CLASP2: variants seen among roughly 807,000 people sequenced by gnomAD.
CLASP2 encodes CLIP-associating protein 2.
A neutral mutation model predicts 194.4 loss-of-function variants in CLASP2; 47 were observed. That is an observed-to-expected ratio of 0.24 (90% CI 0.19 to 0.31). The LOEUF (loss-of-function observed/expected upper bound fraction) is 0.31. Ranked by LOEUF, CLASP2 falls within the 10% of genes least tolerant of loss-of-function variation. The probability of loss-of-function intolerance (pLI) is 1.00; values close to 1 mark genes in which losing one functional copy is unlikely to be tolerated. For synonymous variants in CLASP2, 619 were observed against 633.5 expected, an observed-to-expected ratio of 0.98 and a Z score of 0.34; for missense variants, 1,445 against 1,823.6, an observed-to-expected ratio of 0.79 and a Z score of 3.78.
chr3:33,543,372 C>T, intron 32 of CLASP2, 61 bp downstream of exon 32: 7 of 1,199,426 alleles, frequency 5.8e-6, no homozygotes, highest in Non-Finnish European at 8.7e-6. Flanking sequence ...GACTCTGTCT[C>T]AAAAAGAAAG....
intron 1 of CLASP2, among the ~76,000 whole-genome samples, 197 bp from the exon 2 acceptor site, chr3:33,697,130 A>G (rs2091991717): frequency 6.6e-6 from 1 of 152,206 alleles, no homozygotes; most frequent in Non-Finnish European, 1.5e-5. Flanking sequence ...CAACAATAAT[A>G]ACGTGTAAAC....
intron 7 of CLASP2, among the ~76,000 whole-genome samples, chr3:33,651,149 A>T (rs2083123114): frequency 6.6e-6 from 1 of 152,096 alleles, no homozygotes; most frequent in Non-Finnish European, 1.5e-5. Flanking sequence ...TTGGGAGGCC[A>T]AGGCAGGTGG....
intron 37 of CLASP2, chr3:33,501,989 GT>G (rs2046958857): frequency 2.7e-5 from 11 of 404,722 alleles, no homozygotes; most frequent in Non-Finnish European, 4.9e-5. Flanking sequence ...TCTATATCAG[GT>G]TCTTACTTAG....
At chr3:33,583,298 A>C (rs2066575334) in intron 22 of CLASP2, among the ~76,000 whole-genome samples, 1 of 152,234 alleles carries the variant, frequency 6.6e-6, no homozygotes, top group South Asian at 2.1e-4. Context: ...ATACACAGCA[A>C]ATGAAAACGT....
chr3:33,581,650 C>G (rs997072394), intron 23 of CLASP2, among the ~76,000 whole-genome samples, 171 bp downstream of exon 23: 1 of 152,168 alleles, frequency 6.6e-6, no homozygotes, highest in African/African-American at 2.4e-5. Context: ...ACATGTAAAT[C>G]AAGTCAAAGG....
At chr3:33,704,868 A>C (rs777922696) in intron 1 of CLASP2, among the ~76,000 whole-genome samples, 16 of 152,108 alleles carry the variant, frequency 1.1e-4, no homozygotes, top group Admixed American at 7.9e-4. Context: ...ATACTACCTC[A>C]CACCTACTAG....
Position 33,606,763 on chromosome 3 carries a change from TAAA to T in CLASP2, c.1527-8_1527-6del. On this transcript the variant is annotated splice_polypyrimidine_tract_variant and splice_region_variant and intron_variant, in intron 15 of 38. Coordinates refer to ENST00000682230, the MANE Select transcript of CLASP2 (RefSeq NM_001365631.1). Reference sequence around the variant, plus strand: ...TTTCTAAGACCCATGTATGTCCTGTTAAAAAAAAAGAAAAGCAGATGAAGTAAT... The same window carrying T: ...TTTCTAAGACCCATGTATGTCCTGTTAAAAAAGAAAAGCAGATGAAGTAAT... 6.4e-7 allele frequency: 1 copy of T among 1,567,400 alleles called. No homozygotes were observed. The highest frequency in any genetic ancestry group is 8.7e-7 in the Non-Finnish European group (1 of 1,155,696).
At chr3:33,513,982 G>T (rs1285103731) in intron 36 of CLASP2, among the ~76,000 whole-genome samples, 5 of 151,966 alleles carry the variant, frequency 3.3e-5, no homozygotes, top group Non-Finnish European at 7.4e-5. Context: ...GATTTCCTTT[G>T]ATTTTTTATT....
At chr3:33,594,604 T>C (rs868436888) in intron 20 of CLASP2, among the ~76,000 whole-genome samples, 2 of 151,326 alleles carry the variant, frequency 1.3e-5, no homozygotes, top group South Asian at 4.2e-4. Context: ...TTGGCATAAA[T>C]AAAAAAACAA....
chr3:33,606,919 A>G (rs1232619524), intron 15 of CLASP2, among the ~76,000 whole-genome samples, 161 bp from the exon 16 acceptor site: 1 of 152,246 alleles, frequency 6.6e-6, no homozygotes, highest in African/African-American at 2.4e-5. Context: ...GTTCCAGTGG[A>G]AAGACTGAAG....
intron 7 of CLASP2, among the ~76,000 whole-genome samples, chr3:33,655,099 T>C (rs1485504468): frequency 6.6e-6 from 1 of 152,182 alleles, no homozygotes; most frequent in African/African-American, 2.4e-5. Context: ...CAGGTTTATT[T>C]AGAACCTTTA....
At chr3:33,699,822 C>G (rs1450847511) in intron 1 of CLASP2, among the ~76,000 whole-genome samples, 1 of 149,734 alleles carries the variant, frequency 6.7e-6, no homozygotes, top group Non-Finnish European at 1.5e-5. Flanking sequence ...CTACAACTGA[C>G]CACAGGTAAG....
At chr3:33,533,870 C>T (rs968402858) in intron 34 of CLASP2, among the ~76,000 whole-genome samples, 2 of 152,118 alleles carry the variant, frequency 1.3e-5, no homozygotes, top group Non-Finnish European at 2.9e-5. Context: ...GCGCGTGCCA[C>T]CACGCCCAGC....
chr3:33,632,347 C>A lies in CLASP2; in HGVS notation c.887G>T (p.Gly296Val). ...VGGASKEGGAGAVDEDDFIKA... is the reference protein window; with the variant it reads ...VGGASKEGGAVAVDEDDFIKA... The stretch of plus-strand genomic sequence containing the variant: ...TATAAAATCATCTTCATCAACTGCT[C>A]CAGCACCTCCTTCCTTAGAAGCACC... The change falls in exon 9 of 39, where the codon GGA (glycine) becomes GTA (valine). Residue 296 changes from glycine to valine, a missense_variant. By Grantham distance (109) the Gly-to-Val change is moderately radical. Around this residue, in one of 4 missense-constraint regions of CLASP2, gnomAD observed 207 missense variants for 331.4 expected, o/e 0.62. Transcript: ENST00000682230. 1 of 1,602,988 alleles carries A rather than the reference C, an allele frequency of 6.2e-7. No individual in the cohort carries two copies. Among genetic ancestry groups the A allele is most frequent in the Non-Finnish European group, 8.5e-7 (1 of 1,175,196 alleles).
At position 33,602,997 on chromosome 3, in the gene CLASP2, G is replaced by A. The variant is rs371555607; in HGVS notation, c.1879C>T (p.Arg627Cys). The A allele has an allele frequency of 3.8e-5, 61 of 1,610,226 alleles. No individual in the cohort carries two copies. Among genetic ancestry groups the A allele is most frequent in the Non-Finnish European group, 4.9e-5 (58 of 1,178,220 alleles). Residue 627 changes from arginine to cysteine, a missense_variant, in exon 18 of 39, where the codon CGC becomes TGC. Physicochemically the swap from Arg to Cys is radical, Grantham distance 180. Coordinates refer to ENST00000682230, the MANE Select transcript of CLASP2 (RefSeq NM_001365631.1). Reference sequence around the variant, plus strand: ...GCATTCAGGGCACCTGCACCTAAGCGCCCGCTTCGCACAGACTGTCCAGCA... The same window carrying A: ...GCATTCAGGGCACCTGCACCTAAGCACCCGCTTCGCACAGACTGTCCAGCA... Reference protein sequence around the residue: ...HAAGQSVRSGRLGAGALNAGS... With the variant: ...HAAGQSVRSGCLGAGALNAGS...
intron 5 of CLASP2, among the ~76,000 whole-genome samples, chr3:33,685,029 AT>A (rs1326233649): frequency 2.1e-5 from 3 of 142,210 alleles, no homozygotes; most frequent in Non-Finnish European, 3.0e-5. Context: ...AAATAAATAA[AT>A]AATAATAATA....
intron 34 of CLASP2, among the ~76,000 whole-genome samples, chr3:33,528,670 GA>G (rs1380724703): frequency 6.6e-6 from 1 of 152,104 alleles, no homozygotes; most frequent in African/African-American, 2.4e-5. Flanking sequence ...GTTGAGGCAG[GA>G]GAATTGCTTG....
At chr3:33,555,568 A>G (rs1466502143) in intron 29 of CLASP2, among the ~76,000 whole-genome samples, 1 of 152,022 alleles carries the variant, frequency 6.6e-6, no homozygotes, top group African/African-American at 2.4e-5. Context: ...GGGTTTTGCC[A>G]TGTTGCCCAG....
chr3:33,591,282 AAAG>A (rs760540808), intron 21 of CLASP2, among the ~76,000 whole-genome samples: 1 of 152,256 alleles, frequency 6.6e-6, no homozygotes, highest in Non-Finnish European at 1.5e-5. Flanking sequence ...ATCTCTTGAT[AAAG>A]AAGGAAGAGG....
Sources: gnomAD v4.1 joint callset for allele counts (sites outside exome capture counted in the v4.1 genomes callset) on GRCh38, gnomAD v4.1.1 for gene constraint, gnomAD v4.1.1 regional missense constraint, MANE v1.5 for transcripts, NCBI Gene and HGNC (gene_info 2026-07-23, HGNC 2026-07-21) for gene names.